TRANK1: variants seen among roughly 807,000 people sequenced by gnomAD.
TRANK1 encodes the protein tetratricopeptide repeat and ankyrin repeat containing 1.
In TRANK1, 198 loss-of-function variants were observed where a neutral mutation model predicts 266.0. The observed-to-expected ratio is 0.74, with a 90% CI of 0.66 to 0.84. TRANK1 has a LOEUF of 0.84. TRANK1 is among the 40% of genes least tolerant of loss of function. The probability of loss-of-function intolerance (pLI) is 0.00; values close to 1 mark genes in which losing one functional copy is unlikely to be tolerated. For synonymous variants in TRANK1, 1,396 were observed against 1,384.1 expected, an observed-to-expected ratio of 1.01 and a Z score of -0.19; for missense variants, 3,326 against 3,634.6, an observed-to-expected ratio of 0.92 and a Z score of 2.18.
intron 2 of TRANK1, among the ~76,000 whole-genome samples, chr3:36,903,665 A>G (rs1162378121): frequency 6.6e-6 from 1 of 152,230 alleles, no homozygotes; most frequent in Non-Finnish European, 1.5e-5. Context: ...CTTGGTACCC[A>G]CAGTGTAGAC....
At chr3:36,846,463 A>G (rs559338211) in intron 16 of TRANK1, 59 bp from the exon 17 acceptor site, 377 of 1,541,036 alleles carry the variant, frequency 2.4e-4, no homozygotes, top group Non-Finnish European at 3.1e-4. Flanking sequence ...ACAAAGTGAC[A>G]CACTTCAATG....
intron 1 of TRANK1, 48 bp downstream of exon 1, chr3:36,944,739 G>A (rs1022731842): frequency 1.3e-6 from 2 of 1,499,056 alleles, no homozygotes; most frequent in African/African-American, 2.9e-5. Context: ...AAGGGTGGCG[G>A]GCCCGGAAGG....
intron 1 of TRANK1, among the ~76,000 whole-genome samples, chr3:36,921,765 A>G (rs2080216470): frequency 6.6e-6 from 1 of 152,232 alleles, no homozygotes; most frequent in Non-Finnish European, 1.5e-5. Flanking sequence ...GAATGTAGGT[A>G]GGAGCTGCTG....
intron 8 of TRANK1, among the ~76,000 whole-genome samples, chr3:36,883,350 T>C (rs1489150421): frequency 6.7e-6 from 1 of 148,926 alleles, no homozygotes; most frequent in East Asian, 2.0e-4. Flanking sequence ...GAGGCTGAGG[T>C]GGTAGGATCG....
At chr3:36,848,653 A>T (rs1254452505) in intron 15 of TRANK1, among the ~76,000 whole-genome samples, 1 of 152,244 alleles carries the variant, frequency 6.6e-6, no homozygotes, top group Non-Finnish European at 1.5e-5. Context: ...AGGAATGGTT[A>T]TGCTACTAAT....
chr3:36,916,847 G>T (rs1358099652), intron 1 of TRANK1, among the ~76,000 whole-genome samples: 2 of 149,262 alleles, frequency 1.3e-5, no homozygotes, highest in Non-Finnish European at 1.5e-5. Context: ...CCGGAGTCTT[G>T]CTCTGTCCCC....
rs2079048312 is a variant in TRANK1 at position 36,856,069 on chromosome 3, G to A, written c.3653C>T (p.Ala1218Val). Residue 1218 changes from alanine (A) to valine (V), a missense_variant, in exon 13 of 24, where the codon GCC becomes GTC. By Grantham distance (64) the Ala-to-Val change is moderately conservative. Transcript: ENST00000645898. ...GTCCAGTGGTTTGTAATGACTAGTG[G>A]CCTTGGTGGACTTGGAAAGCTCAAT... is the stretch of plus-strand genomic sequence containing the variant. ...NFIELSKSTK[A>V]TSHYKPLDPN... 1 of 1,613,772 alleles carries A rather than the reference G, an allele frequency of 6.2e-7. No homozygotes were observed. The highest frequency in any genetic ancestry group is 8.5e-7 in the Non-Finnish European group (1 of 1,179,872).
rs753278485 is a variant in TRANK1, at chr3:36,831,820, T to A, written c.7763A>T (p.His2588Leu). 1 of 1,613,994 alleles carries A rather than the reference T, an allele frequency of 6.2e-7. No homozygotes were observed. Among genetic ancestry groups the A allele is most frequent in the Non-Finnish European group, 8.5e-7 (1 of 1,179,894 alleles). ...QPYCKPLLYR[H>L]FREIESRLQL... Reference sequence around the variant, plus strand: ...CAGCCTTGACTCAATCTCCCGGAAGTGGCGATACAGGAGAGGCTTGCAGTA... The same window carrying A: ...CAGCCTTGACTCAATCTCCCGGAAGAGGCGATACAGGAGAGGCTTGCAGTA... Residue 2588 changes from histidine (H) to leucine (L), a missense_variant, in exon 22 of 24, where the codon CAC becomes CTC. Coordinates refer to ENST00000645898, the MANE Select transcript of TRANK1 (RefSeq NM_001329998.2). The surrounding 1 kb of genome is among the most constrained non-coding windows in gnomAD (Gnocchi z 5.0).
intron 13 of TRANK1, among the ~76,000 whole-genome samples, chr3:36,852,660 C>T (rs942442120): frequency 6.6e-6 from 1 of 151,436 alleles, no homozygotes; most frequent in African/African-American, 2.4e-5. Flanking sequence ...ACAATGAGAC[C>T]TCAGGAGGCT....
At chr3:36,830,040 A>G (rs1253530489) in intron 22 of TRANK1, among the ~76,000 whole-genome samples, 1 of 152,196 alleles carries the variant, frequency 6.6e-6, no homozygotes, top group African/African-American at 2.4e-5. Flanking sequence ...AGTAGCTAGT[A>G]AAAAAGCCAA....
chr3:36,896,544 T>C (rs1191393873), intron 4 of TRANK1, among the ~76,000 whole-genome samples: 1 of 152,266 alleles, frequency 6.6e-6, no homozygotes, highest in Non-Finnish European at 1.5e-5. Context: ...TGGTAAAGTA[T>C]TGGCTGCATC....
At chr3:36,829,426 G>T in intron 23 of TRANK1, 138 bp downstream of exon 23, 1 of 713,274 alleles carries the variant, frequency 1.4e-6, no homozygotes. Flanking sequence ...TGAGTCACTG[G>T]AGGTGATGCT....
intron 15 of TRANK1, chr3:36,851,481 C>A: frequency 8.0e-7 from 1 of 1,244,204 alleles, no homozygotes; most frequent in Non-Finnish European, 1.0e-6. Flanking sequence ...ACTAGAGAGC[C>A]AAAGAAGGGC....
At chr3:36,894,710 A>C (rs971759668) in intron 5 of TRANK1, among the ~76,000 whole-genome samples, 1 of 152,164 alleles carries the variant, frequency 6.6e-6, no homozygotes, top group Non-Finnish European at 1.5e-5. Context: ...ACCTTGCCCA[A>C]AATTTAAGAA....
intron 1 of TRANK1, among the ~76,000 whole-genome samples, chr3:36,934,851 G>A (rs1465179659): frequency 6.6e-6 from 1 of 152,094 alleles, no homozygotes; most frequent in African/African-American, 2.4e-5. Flanking sequence ...CCTCCCTTAG[G>A]AGGCATGCAG....
rs1389552041 is a variant in TRANK1 at position 36,899,130 on chromosome 3, C to T, written c.412G>A (p.Gly138Arg). Residue 138 changes from glycine to arginine, a missense_variant, in exon 4 of 24, where the codon GGA (glycine) becomes AGA (arginine). Gly to Arg is a moderately radical substitution (Grantham distance 125). Transcript: ENST00000645898. ...TTACTGCTCATAGTGGTGAAGACTCCAACAAGGAAATCAGCAACCGGTGCC... is the reference window on the plus strand; with the variant it reads ...TTACTGCTCATAGTGGTGAAGACTCTAACAAGGAAATCAGCAACCGGTGCC... ...DQAPVADFLV[G>R]VFTTMSSDSI... The T allele has an allele frequency of 3.3e-6, 5 of 1,537,214 alleles. No individual in the cohort carries two copies. The Admixed American group carries it at 5.9e-5, about 18-fold the overall frequency.
At chr3:36,837,811 T>C (rs918340931) in intron 20 of TRANK1, among the ~76,000 whole-genome samples, 12 of 152,270 alleles carry the variant, frequency 7.9e-5, no homozygotes, top group African/African-American at 2.9e-4. Flanking sequence ...CAGAGCTTTC[T>C]GCAATGATGG....
At position 36,857,102 on chromosome 3, in the gene TRANK1, C is replaced by A; in HGVS notation, c.2620G>T (p.Gly874Cys). ...AGGTGCTTCAGTCGCTTCTGCAGGCCCTGGGTCCACTCGCCATTTCCCAGC... is the reference window on the plus strand; with the variant it reads ...AGGTGCTTCAGTCGCTTCTGCAGGCACTGGGTCCACTCGCCATTTCCCAGC... Reference protein sequence around the residue: ...QQLGNGEWTQGLQKRLKHLKG... With the variant: ...QQLGNGEWTQCLQKRLKHLKG... Residue 874 changes from glycine to cysteine, a missense_variant, in exon 13 of 24, where the codon GGC becomes TGC. By Grantham distance (159) the Gly-to-Cys change is radical. Coordinates refer to ENST00000645898, the MANE Select transcript of TRANK1 (RefSeq NM_001329998.2). The surrounding 1 kb of genome is among the most constrained non-coding windows in gnomAD (Gnocchi z 4.3). The A allele has an allele frequency of 6.2e-7, 1 of 1,613,972 alleles. No homozygotes were observed.
At chr3:36,834,012 C>A in intron 21 of TRANK1, 93 bp from the exon 22 acceptor site, 3 of 1,260,944 alleles carry the variant, frequency 2.4e-6, no homozygotes, top group Non-Finnish European at 3.2e-6. Context: ...TTAAATAAAA[C>A]TCCCACATGT....
Sources: gnomAD v4.1 joint callset for allele counts (sites outside exome capture counted in the v4.1 genomes callset) on GRCh38, gnomAD v4.1.1 for gene constraint, Gnocchi (gnomAD v3.1) non-coding constraint, MANE v1.5 for transcripts, NCBI Gene and HGNC (gene_info 2026-07-23, HGNC 2026-07-21) for gene names.